PCDHA3: variants seen among roughly 807,000 people sequenced by gnomAD.
PCDHA3 encodes the protein protocadherin alpha 3, also known as protocadherin alpha-3.
Under a neutral mutation model 62.2 loss-of-function variants are expected in PCDHA3, and 41 were observed. The ratio of observed to expected loss-of-function variants is 0.66; its 90% CI spans 0.51 to 0.86. The LOEUF is 0.86. PCDHA3 is among the 40% of genes least tolerant of loss of function. The pLI, the probability that PCDHA3 is intolerant of heterozygous loss-of-function variation, is 0.00. For synonymous variants in PCDHA3, 640 were observed against 555.4 expected (o/e 1.15, Z -2.14); for missense variants, 1,304 against 1,241.2 (o/e 1.05, Z -0.76).
At chr5:140,999,620 G>A (rs184259991) in intron 3 of PCDHA3, among the ~76,000 whole-genome samples, 6 of 152,262 alleles carry the variant, frequency 3.9e-5, no homozygotes, top group African/African-American at 1.2e-4. Flanking sequence ...TATCAACCAG[G>A]AAACAAGGTA....
At position 140,847,428 on chromosome 5, in the gene PCDHA3, C is replaced by T. The variant is rs1464927725; in HGVS notation, c.2394+43837C>T. ...AAACACTCACGGTTTTGCCTTTAGA[C>T]TTGAGATACACTAAAATCTAGATTT... On this transcript the variant is annotated intron_variant, in intron 1 of 3. Coordinates refer to ENST00000522353, the MANE Select transcript of PCDHA3 (RefSeq NM_018906.3). 2.7e-5 allele frequency: 4 copies of T among 149,590 alleles called. 2 individuals are homozygous for T. Among genetic ancestry groups the T allele is most frequent in the Non-Finnish European group, 6.0e-5 (4 of 66,914 alleles). The allele number at this position is 149,590 out of a possible 1,614,324, so 9.3% of individuals were successfully genotyped here.
At chr5:140,986,163 G>A (rs1186387690) in intron 3 of PCDHA3, among the ~76,000 whole-genome samples, 1 of 152,212 alleles carries the variant, frequency 6.6e-6, no homozygotes, top group African/African-American at 2.4e-5. Flanking sequence ...AATGTTTTCT[G>A]CAGGATAAAC....
At chr5:140,841,325 GA>G in intron 1 of PCDHA3, 4 of 1,608,154 alleles carry the variant, frequency 2.5e-6, no homozygotes, top group Non-Finnish European at 3.4e-6. Flanking sequence ...ATTTAACATG[GA>G]TTATCACTGG....
rs1763140498 is a variant in PCDHA3 at position 140,803,189 on chromosome 5, T to G, written c.1992T>G (p.Thr664=). 1.9e-6 allele frequency: 3 copies of G among 1,613,804 alleles called. No individual in the cohort carries two copies. Among genetic ancestry groups the G allele is most frequent in the Admixed American group, 1.7e-5 (1 of 60,006 alleles). The change falls in exon 1 of 4, where the codon ACT becomes ACG. Residue 664 remains threonine, a synonymous_variant. Transcript: ENST00000522353. ...HGEPSLTATA[T]VLVSLVESGQ... ...AACCCTCATTGACCGCCACGGCCACTGTGCTGGTGTCGCTGGTGGAGAGTG... is the reference window on the plus strand; with the variant it reads ...AACCCTCATTGACCGCCACGGCCACGGTGCTGGTGTCGCTGGTGGAGAGTG...
chr5:140,956,809 T>C (rs868918745), intron 1 of PCDHA3, among the ~76,000 whole-genome samples: 2 of 152,198 alleles, frequency 1.3e-5, no homozygotes, highest in Non-Finnish European at 1.5e-5. Flanking sequence ...TATTTATTAT[T>C]GCTTCAATTT....
intron 1 of PCDHA3, among the ~76,000 whole-genome samples, chr5:140,846,195 A>G (rs2150385667): frequency 6.7e-6 from 1 of 149,594 alleles, no homozygotes; most frequent in Admixed American, 6.7e-5. Context: ...AGTTCTTTGT[A>G]TGTATGAGAT....
chr5:140,923,468 G>A (rs2081380588), intron 1 of PCDHA3, among the ~76,000 whole-genome samples: 1 of 152,098 alleles, frequency 6.6e-6, no homozygotes, highest in Admixed American at 6.5e-5. Context: ...GGTAGGGGCT[G>A]CAGTGAGCCA....
At chr5:140,980,278 GA>G (rs1351425532) in intron 2 of PCDHA3, among the ~76,000 whole-genome samples, 1 of 152,166 alleles carries the variant, frequency 6.6e-6, no homozygotes, top group Non-Finnish European at 1.5e-5. Flanking sequence ...ACCAACTCTT[GA>G]AAAGTACCAA....
chr5:140,801,633 C>T lies in PCDHA3; in HGVS notation c.436C>T (p.Arg146Ter). Residue 146 changes from arginine (R) to a stop codon, truncating the protein, a stop_gained, in exon 1 of 4, where the codon CGA (arginine) becomes TGA (stop). Coordinates refer to ENST00000522353, the MANE Select transcript of PCDHA3 (RefSeq NM_018906.3). LOFTEE classifies it high-confidence loss of function. ...AAAGAATCTGTTTATTTCCGAATCC[C>T]GACAGCCTGGCTCTCGGTTTTCGCT... ...AVKNLFISES[R>*]QPGSRFSLEG... The T allele has an allele frequency of 1.2e-6, 2 of 1,614,106 alleles. No homozygotes were observed. Among genetic ancestry groups the T allele is most frequent in the Non-Finnish European group, 1.7e-6 (2 of 1,180,030 alleles).
chr5:140,943,305 CATT>C (rs1322564942), intron 1 of PCDHA3, among the ~76,000 whole-genome samples: 13 of 146,998 alleles, frequency 8.8e-5, no homozygotes, highest in African/African-American at 3.0e-4. Flanking sequence ...TTTGGGAAGT[CATT>C]ATTAGCAATA....
At chr5:140,979,109 G>A (rs979649515) in intron 2 of PCDHA3, 102 bp downstream of exon 2, 1 of 1,524,682 alleles carries the variant, frequency 6.6e-7, no homozygotes, top group Admixed American at 2.3e-5. Context: ...AAACTAAAAA[G>A]CTTTAGGTAC....
At chr5:141,007,448 G>A (rs555583994) in intron 3 of PCDHA3, among the ~76,000 whole-genome samples, 2 of 150,352 alleles carry the variant, frequency 1.3e-5, no homozygotes, top group African/African-American at 4.9e-5. Context: ...TGTGCCTGTA[G>A]TCCCAGCTAC....
At chr5:140,884,732 A>G in intron 1 of PCDHA3, 2 of 1,448,046 alleles carry the variant, frequency 1.4e-6, no homozygotes, top group South Asian at 1.6e-5. Flanking sequence ...TGTTTAAGAC[A>G]TCTTTCCTGC....
chr5:140,882,775 C>G, intron 1 of PCDHA3: 10 of 1,614,220 alleles, frequency 6.2e-6, no homozygotes, highest in Non-Finnish European at 8.5e-6. Flanking sequence ...CGGCATTGAC[C>G]TACCGACTGG....
intron 1 of PCDHA3, among the ~76,000 whole-genome samples, chr5:140,963,204 AAACCTCGTGTT>A (rs2095746581): frequency 6.6e-6 from 1 of 152,104 alleles, no homozygotes; most frequent in South Asian, 2.1e-4. Context: ...ATGAAAAAAA[AAACCTCGTGTT>A]TAGAGTAGAC....
intron 1 of PCDHA3, among the ~76,000 whole-genome samples, chr5:140,919,753 T>C (rs1386045187): frequency 6.6e-6 from 1 of 152,212 alleles, no homozygotes; most frequent in Non-Finnish European, 1.5e-5. Flanking sequence ...ATTTCTCTTC[T>C]GCCTTTTGTA....
In PCDHA3 at chr5:140,843,667, A is replaced by G. The variant is rs143385524; in HGVS notation, c.2394+40076A>G. Reference sequence around the variant, plus strand: ...CCTGCCTTCCTCCTGATCTGGGATCAGTTGATGTAGGCGAAGAGCAAGATT... The same window carrying G: ...CCTGCCTTCCTCCTGATCTGGGATCGGTTGATGTAGGCGAAGAGCAAGATT... On this transcript the variant is annotated intron_variant, in intron 1 of 3. Coordinates refer to ENST00000522353, the MANE Select transcript of PCDHA3 (RefSeq NM_018906.3). The G allele has an allele frequency of 5.3e-5, 84 of 1,593,334 alleles. 5 individuals are homozygous for G. Among genetic ancestry groups the G allele is most frequent in the Non-Finnish European group, 6.5e-5 (76 of 1,163,092 alleles).
intron 1 of PCDHA3, chr5:140,863,174 C>T (rs781864500): frequency 1.4e-6 from 1 of 714,706 alleles, no homozygotes; most frequent in East Asian, 4.3e-5. Context: ...GCGCTGACTG[C>T]CACCGTCACC....
At chr5:140,830,666 A>G in intron 1 of PCDHA3, 1 of 390,320 alleles carries the variant, frequency 2.6e-6, no homozygotes, top group Non-Finnish European at 4.2e-6. Flanking sequence ...AATTTAAGTG[A>G]AATTAGAAAT....
Sources: allele counts gnomAD v4.1 joint callset (sites outside exome capture counted in the v4.1 genomes callset), GRCh38; gene constraint gnomAD v4.1.1; transcripts MANE v1.5; gene names NCBI Gene and HGNC (gene_info 2026-07-23, HGNC 2026-07-21).